Variants in GUCY1A2 observed in about 807,000 individuals in gnomAD.
GUCY1A2 encodes guanylate cyclase soluble subunit alpha-2.
A neutral mutation model predicts 63.5 loss-of-function variants in GUCY1A2; 27 were observed. The observed-to-expected ratio is 0.43, with a 90% CI of 0.31 to 0.59. GUCY1A2 has a LOEUF of 0.59. Ranked by LOEUF, GUCY1A2 falls within the 20% of genes least tolerant of loss-of-function variation. The probability of loss-of-function intolerance (pLI) is 0.11; values close to 1 mark genes in which losing one functional copy is unlikely to be tolerated. For synonymous variants in GUCY1A2, 364 were observed against 343.5 expected (o/e 1.06, Z -0.66); for missense variants, 768 against 913.3 (o/e 0.84, Z 2.05).
intron 4 of GUCY1A2, among the ~76,000 whole-genome samples, chr11:106,911,432 T>C (rs1860292316): frequency 6.6e-6 from 1 of 152,040 alleles, no homozygotes; most frequent in Non-Finnish European, 1.5e-5. Flanking sequence ...TATTGAAGGC[T>C]CTCCTTCTTC....
intron 4 of GUCY1A2, among the ~76,000 whole-genome samples, chr11:106,887,652 T>C (rs1282828113): frequency 1.3e-5 from 2 of 152,152 alleles, no homozygotes; most frequent in African/African-American, 2.4e-5. Context: ...CCCTTATTCC[T>C]GCCACCCTTA....
chr11:106,852,451 T>C (rs1432351075), intron 4 of GUCY1A2, among the ~76,000 whole-genome samples: 1 of 152,142 alleles, frequency 6.6e-6, no homozygotes, highest in African/African-American at 2.4e-5. Flanking sequence ...CATGGGTTTG[T>C]CATATATGAC....
chr11:106,687,842 T>C, intron 7 of GUCY1A2, 86 bp from the exon 8 acceptor site: 1 of 849,414 alleles, frequency 1.2e-6, no homozygotes, highest in Non-Finnish European at 2.0e-6. Context: ...TCAGGAAGCC[T>C]ATCTCTGACT....
chr11:106,730,039 GCTTT>G (rs1312075885), intron 6 of GUCY1A2, among the ~76,000 whole-genome samples: 23 of 119,448 alleles, frequency 1.9e-4, no homozygotes, highest in Non-Finnish European at 3.1e-4. Flanking sequence ...TGACAAAACT[GCTTT>G]CTTTAATCAG....
At chr11:106,752,395 G>A (rs1218523118) in intron 6 of GUCY1A2, among the ~76,000 whole-genome samples, 6 of 152,074 alleles carry the variant, frequency 3.9e-5, no homozygotes, top group African/African-American at 1.4e-4. Context: ...TTTAAGTTCT[G>A]GGGTACATGT....
Position 106,680,759 on chromosome 11 carries a change from T to C in GUCY1A2, c.*6790A>G, listed in dbSNP as rs1862419409. ...AGAATGCTAAAATTAAGTTTTGCTA[T>C]GAGTAATAGAAAGGTAAAGACAAAA... On this transcript the variant is annotated 3_prime_UTR_variant, in exon 8 of 8. Transcript: ENST00000526355. 4.8e-6 allele frequency: 1 copy of C among 206,780 alleles called. No individual in the cohort carries two copies. The highest frequency in any genetic ancestry group is 9.9e-6 in the Non-Finnish European group (1 of 101,294). The allele number at this position is 206,780 out of a possible 1,614,324, so 12.8% of individuals were successfully genotyped here.
chr11:106,760,774 C>T (rs1257484915), intron 6 of GUCY1A2, among the ~76,000 whole-genome samples: 2 of 152,058 alleles, frequency 1.3e-5, no homozygotes, highest in Non-Finnish European at 2.9e-5. Context: ...ACTGGCCCAT[C>T]ATTTCCATAG....
chr11:106,787,600 A>AGGGTGAGGGAGGGGGGAGGAGGG (rs1565289921), intron 5 of GUCY1A2, among the ~76,000 whole-genome samples: 144 of 14,766 alleles, frequency 9.8e-3, no homozygotes, highest in East Asian at 0.022. Flanking sequence ...AAGGGAAGGG[A>AGGGTGAGGGAGGGGGGAGGAGGG]AAAAGAGAAA....
Position 106,675,496 on chromosome 11 carries a change from TG to T in GUCY1A2, c.*12052del, listed in dbSNP as rs1191624755. On this transcript the variant is annotated 3_prime_UTR_variant, in exon 8 of 8. Coordinates refer to ENST00000526355, the MANE Select transcript of GUCY1A2 (RefSeq NM_000855.3). The stretch of plus-strand genomic sequence containing the variant: ...TAGTAGCTTGTAAATTTTGCAGATC[TG>T]GGCCTTCAATAACTTAGTAGAAGGC... 5.0e-6 allele frequency: 1 copy of T among 201,048 alleles called. No homozygotes were observed. The highest frequency in any genetic ancestry group is 1.0e-5 in the Non-Finnish European group (1 of 97,714). 12.5% of individuals were successfully genotyped at this position (201,048 alleles called of 1,614,324 possible). A position where few individuals can be genotyped will look rare whatever the true frequency, so the allele number is the denominator to read the frequency against.
intron 4 of GUCY1A2, among the ~76,000 whole-genome samples, chr11:106,924,461 T>C (rs1351245822): frequency 6.6e-6 from 1 of 152,198 alleles, no homozygotes; most frequent in Non-Finnish European, 1.5e-5. Flanking sequence ...AATACACTAG[T>C]GAAGTTTATT....
At chr11:106,950,995 G>C (rs1860900257) in intron 3 of GUCY1A2, among the ~76,000 whole-genome samples, 1 of 152,184 alleles carries the variant, frequency 6.6e-6, no homozygotes, top group East Asian at 1.9e-4. Flanking sequence ...TGCAGTGTTT[G>C]GTTTTCTGTT....
At chr11:106,712,755 G>C (rs1322513658) in intron 6 of GUCY1A2, among the ~76,000 whole-genome samples, 2 of 152,162 alleles carry the variant, frequency 1.3e-5, no homozygotes, top group Non-Finnish European at 2.9e-5. Flanking sequence ...CAAGAACCTT[G>C]AGTACTCTCT....
intron 4 of GUCY1A2, among the ~76,000 whole-genome samples, chr11:106,842,042 T>TA (rs1183649422): frequency 1.3e-5 from 2 of 151,864 alleles, no homozygotes; most frequent in African/African-American, 4.8e-5. Context: ...TGGCCAATGG[T>TA]AAACGATGGC....
At chr11:106,866,972 G>T (rs1859602653) in intron 4 of GUCY1A2, among the ~76,000 whole-genome samples, 1 of 151,898 alleles carries the variant, frequency 6.6e-6, no homozygotes, top group Non-Finnish European at 1.5e-5. Flanking sequence ...CAAGCCCTAG[G>T]TACTGCTTTC....
Position 106,678,840 on chromosome 11 carries a change from A to G in GUCY1A2, c.*8709T>C, listed in dbSNP as rs988011963. 5.2e-6 allele frequency: 1 copy of G among 191,032 alleles called. No homozygotes were observed. Among genetic ancestry groups the G allele is most frequent in the Non-Finnish European group, 1.1e-5 (1 of 91,166 alleles). The allele number at this position is 191,032 out of a possible 1,614,324, so 11.8% of individuals were successfully genotyped here. ...GTAAAATAATATTGCCAAATTTGCA[A>G]ACCCTGGCTCAATGCCACAATTTTT... On this transcript the variant is annotated 3_prime_UTR_variant, in exon 8 of 8. Transcript: ENST00000526355.
intron 6 of GUCY1A2, among the ~76,000 whole-genome samples, chr11:106,747,037 G>T (rs1250771598): frequency 6.6e-6 from 1 of 152,134 alleles, no homozygotes; most frequent in Non-Finnish European, 1.5e-5. Flanking sequence ...GCCCACGCTG[G>T]AGTACAGTGG....
chr11:106,705,623 G>A (rs2135346813), intron 7 of GUCY1A2, among the ~76,000 whole-genome samples: 1 of 152,222 alleles, frequency 6.6e-6, no homozygotes, highest in Non-Finnish European at 1.5e-5. Flanking sequence ...CACTTTGGGA[G>A]GCCGAGGAGG....
intron 6 of GUCY1A2, chr11:106,746,458 A>G (rs1283695337): frequency 3.5e-5 from 22 of 627,438 alleles, no homozygotes; most frequent in Non-Finnish European, 5.8e-5. Context: ...ATTTGAATAA[A>G]TGAATAAGGA....
At chr11:106,772,588 C>A (rs1003022872) in intron 6 of GUCY1A2, among the ~76,000 whole-genome samples, 1 of 151,906 alleles carries the variant, frequency 6.6e-6, no homozygotes, top group African/African-American at 2.4e-5. Flanking sequence ...TGGATATTTC[C>A]TCTTCTGATT....
Sources: allele counts gnomAD v4.1 joint callset (sites outside exome capture counted in the v4.1 genomes callset), GRCh38; gene constraint gnomAD v4.1.1; transcripts MANE v1.5; gene names NCBI Gene and HGNC (gene_info 2026-07-23, HGNC 2026-07-21).